Variants in WDFY4 observed in about 807,000 individuals in gnomAD.
WDFY4 encodes the protein WD repeat- and FYVE domain-containing protein 4.
Under a neutral mutation model 351.9 loss-of-function variants are expected in WDFY4, and 169 were observed. The observed-to-expected ratio is 0.48, with a 90% CI of 0.42 to 0.55. The LOEUF (loss-of-function observed/expected upper bound fraction) is 0.55, where lower values mean the gene tolerates loss of function less well. Ranked by LOEUF, WDFY4 falls within the 20% of genes least tolerant of loss-of-function variation. WDFY4 has a pLI of 0.00. For missense variants in WDFY4, 3,803 were observed against 3,935.6 expected, an observed-to-expected ratio of 0.97 and a Z score of 0.90; for synonymous variants, 1,622 against 1,574.6, an observed-to-expected ratio of 1.03 and a Z score of -0.71.
intron 1 of WDFY4, among the ~76,000 whole-genome samples, chr10:48,690,947 G>C (rs2063177029): frequency 6.6e-6 from 1 of 152,198 alleles, no homozygotes; most frequent in Non-Finnish European, 1.5e-5. Context: ...TGGCTTGAAG[G>C]TGGGACCTTA....
chr10:48,754,245 T>C (rs1438488746), intron 12 of WDFY4, among the ~76,000 whole-genome samples: 2 of 150,746 alleles, frequency 1.3e-5, no homozygotes, highest in African/African-American at 2.5e-5. Flanking sequence ...TTTTTTTTTT[T>C]CTGTATTGTC....
Position 48,946,024 on chromosome 10 carries a change from C to G in WDFY4, c.7750-16C>G. On this transcript the variant is annotated splice_polypyrimidine_tract_variant and intron_variant, in intron 49 of 61. Coordinates refer to ENST00000325239, the MANE Select transcript of WDFY4 (RefSeq NM_001394531.1). The stretch of plus-strand genomic sequence containing the variant: ...GGGTCTGGGGAGTTAACTCCAGCTG[C>G]ACATCTGCCTTCTAGACATTGAACT... The G allele has an allele frequency of 6.6e-7, 1 of 1,516,788 alleles. No homozygotes were observed. Among genetic ancestry groups the G allele is most frequent in the Non-Finnish European group, 8.8e-7 (1 of 1,130,580 alleles). 94.0% of individuals were successfully genotyped at this position (1,516,788 alleles called of 1,614,324 possible).
At chr10:48,781,244 GTATATATATATGTGTGTGTGTGTA>G (rs1565190526) in intron 19 of WDFY4, among the ~76,000 whole-genome samples, 1 of 139,992 alleles carries the variant, frequency 7.1e-6, no homozygotes, top group East Asian at 2.3e-4. Flanking sequence ...GTGTGTGTGT[GTATATATATATGTGTGTGTGTGTA>G]TATATATATA....
chr10:48,978,650 A>C, intron 60 of WDFY4: 1 of 407,494 alleles, frequency 2.5e-6, no homozygotes, highest in African/African-American at 2.0e-5. Flanking sequence ...ACCATCACCA[A>C]CCCCTCCATA....
intron 47 of WDFY4, chr10:48,914,238 G>A: frequency 2.1e-6 from 3 of 1,429,360 alleles, no homozygotes; most frequent in Admixed American, 2.1e-5. Context: ...AAAAACTGCT[G>A]AAAGATAAGA....
At chr10:48,713,997 T>C (rs1466769443) in intron 2 of WDFY4, among the ~76,000 whole-genome samples, 16 of 152,222 alleles carry the variant, frequency 1.1e-4, no homozygotes, top group Admixed American at 6.5e-5. Flanking sequence ...CTAGGTAATA[T>C]CCTACAGGTT....
In WDFY4 at chr10:48,826,787, C is replaced by T. The variant is rs56707063; in HGVS notation, c.6099C>T (p.Leu2033=). The T allele has an allele frequency of 2.1e-5, 33 of 1,551,962 alleles. No individual in the cohort carries two copies. In the East Asian group the frequency reaches 2.4e-4, roughly 11 times the overall value. ...CCCAGCAGTCCCTCTCCGAATGCCT[C>T]GGCCTTCTCAGCATCCTGGGCTTTC... is the stretch of plus-strand genomic sequence containing the variant. ...SKPQQSLSEC[L]GLLSILGFLQ... Residue 2033 remains leucine (L), a synonymous_variant, in exon 36 of 62, where the codon CTC becomes CTT. Coordinates refer to ENST00000325239, the MANE Select transcript of WDFY4 (RefSeq NM_001394531.1).
chr10:48,963,649 C>G (rs10776661), intron 53 of WDFY4, among the ~76,000 whole-genome samples, 193 bp from the exon 54 acceptor site: 147,374 of 152,250 alleles, frequency 0.97, 71,520 homozygotes, highest in East Asian at 1. Context: ...CTGCTGGCTG[C>G]AGACAGGACT....
intron 47 of WDFY4, among the ~76,000 whole-genome samples, chr10:48,906,177 G>A (rs958114725): frequency 6.6e-5 from 10 of 152,164 alleles, no homozygotes; most frequent in African/African-American, 2.4e-4. Flanking sequence ...TATAAACGAG[G>A]TGTGTGTGCC....
chr10:48,911,824 A>G (rs1838030715), intron 47 of WDFY4, among the ~76,000 whole-genome samples: 1 of 152,216 alleles, frequency 6.6e-6, no homozygotes, highest in Non-Finnish European at 1.5e-5. Context: ...GAAAAACTAA[A>G]ATGAAAATTT....
At chr10:48,785,318 T>C (rs1299362265) in intron 19 of WDFY4, among the ~76,000 whole-genome samples, 1 of 152,198 alleles carries the variant, frequency 6.6e-6, no homozygotes, top group Admixed American at 6.5e-5. Flanking sequence ...TTTAATCCTC[T>C]TTCACATGGG....
intron 20 of WDFY4, among the ~76,000 whole-genome samples, chr10:48,787,938 T>TCTTCTC (rs1565199019): frequency 2.6e-4 from 26 of 100,616 alleles, no homozygotes; most frequent in South Asian, 7.4e-4. Context: ...TTCTTCTTCT[T>TCTTCTC]CTTCTTCTTC....
intron 55 of WDFY4, 129 bp from the exon 56 acceptor site, chr10:48,968,935 G>A (rs1842211098): frequency 2.2e-6 from 2 of 914,922 alleles, no homozygotes; most frequent in East Asian, 2.7e-5. Flanking sequence ...GGGCCCAGCT[G>A]CAGTGGGTGC....
intron 57 of WDFY4, 23 bp downstream of exon 57, chr10:48,970,312 G>GTCT: frequency 6.5e-7 from 1 of 1,546,706 alleles, no homozygotes; most frequent in Non-Finnish European, 8.7e-7. Context: ...TCGTGCAGGT[G>GTCT]CGGTCCTCAG....
chr10:48,762,676 G>A (rs73308059), intron 13 of WDFY4, among the ~76,000 whole-genome samples: 3,873 of 152,266 alleles, frequency 0.025, 171 homozygotes, highest in African/African-American at 0.088. Context: ...GGCATACCTG[G>A]GGCCTTGGTT....
In WDFY4 at chr10:48,758,485, A is replaced by G. The variant is rs1175812780; in HGVS notation, c.2460-1862A>G. 2.0e-5 allele frequency among the ~76,000 whole-genome samples: 3 copies of G among 152,144 alleles called. No homozygotes were observed. The South Asian group carries it at 6.2e-4, about 31-fold the overall frequency. On this transcript the variant is annotated intron_variant, in intron 12 of 61. Transcript: ENST00000325239. Reference sequence around the variant, plus strand: ...AGCTTTGAAGAAAGAAGTACTAAAAACTTCTCAAACGTTTTTTCTTTCATA... The same window carrying G: ...AGCTTTGAAGAAAGAAGTACTAAAAGCTTCTCAAACGTTTTTTCTTTCATA...
At chr10:48,902,295 A>T (rs1280355234) in intron 47 of WDFY4, among the ~76,000 whole-genome samples, 1 of 152,208 alleles carries the variant, frequency 6.6e-6, no homozygotes, top group Non-Finnish European at 1.5e-5. Context: ...TTAATTTAGG[A>T]ATCTGTGCTA....
chr10:48,700,947 C>T (rs1017567294), intron 1 of WDFY4, among the ~76,000 whole-genome samples: 2 of 152,180 alleles, frequency 1.3e-5, no homozygotes, highest in African/African-American at 4.8e-5. Context: ...GATTCACCAT[C>T]GTAACCATTT....
Position 48,725,928 on chromosome 10 carries a change from C to G in WDFY4, c.639C>G (p.Leu213=). ...CSDSQGLEGL[L]SGSELQSLLI... ...ACTCTCAGGGCCTGGAGGGACTCCT[C>G]TCAGGAAGTGAGCTGCAGTCTCTGC... is the stretch of plus-strand genomic sequence containing the variant. Residue 213 remains leucine (L), a synonymous_variant, in exon 6 of 62, where the codon CTC becomes CTG. Coordinates refer to ENST00000325239, the MANE Select transcript of WDFY4 (RefSeq NM_001394531.1). 1 of 1,551,560 alleles carries G rather than the reference C, an allele frequency of 6.4e-7. No individual in the cohort carries two copies. Among genetic ancestry groups the G allele is most frequent in the Admixed American group, 2.0e-5 (1 of 51,008 alleles).
Sources: gnomAD v4.1 joint callset for allele counts (sites outside exome capture counted in the v4.1 genomes callset) on GRCh38, gnomAD v4.1.1 for gene constraint, MANE v1.5 for transcripts, NCBI Gene and HGNC (gene_info 2026-07-23, HGNC 2026-07-21) for gene names.